Variants in TSHZ2 observed in about 807,000 individuals in gnomAD.
TSHZ2 encodes teashirt zinc finger homeobox 2.
TSHZ2 carries 21 observed loss-of-function variants against 74.4 expected under a neutral mutation model. That is an observed-to-expected ratio of 0.28 (90% CI 0.20 to 0.41). The LOEUF (loss-of-function observed/expected upper bound fraction) is 0.41, where lower values mean the gene tolerates loss of function less well. TSHZ2 is among the 10% of genes least tolerant of loss of function. TSHZ2 has a pLI of 1.00. For synonymous variants in TSHZ2, 540 were observed against 515.3 expected, an observed-to-expected ratio of 1.05 and a Z score of -0.65; for missense variants, 1,244 against 1,293.5, an observed-to-expected ratio of 0.96 and a Z score of 0.59.
At chr20:53,194,250 T>C (rs2081887990) in intron 1 of TSHZ2, among the ~76,000 whole-genome samples, 1 of 152,208 alleles carries the variant, frequency 6.6e-6, no homozygotes, top group Admixed American at 6.5e-5. Context: ...CCTCTGCCAC[T>C]GGTAATGACC....
At chr20:53,110,456 C>T (rs559515663) in intron 1 of TSHZ2, among the ~76,000 whole-genome samples, 1 of 152,046 alleles carries the variant, frequency 6.6e-6, no homozygotes, top group South Asian at 2.1e-4. Context: ...AGAGAGTGTT[C>T]AGATCTGGAA....
chr20:53,346,199 C>A (rs369590189), intron 2 of TSHZ2, among the ~76,000 whole-genome samples: 13 of 152,300 alleles, frequency 8.5e-5, no homozygotes, highest in African/African-American at 2.9e-4. Context: ...GTGCTGAGCG[C>A]TGCGATGATT....
At chr20:53,190,130 TATA>T (rs1568803502) in intron 1 of TSHZ2, among the ~76,000 whole-genome samples, 5 of 99,760 alleles carry the variant, frequency 5.0e-5, no homozygotes, top group African/African-American at 1.9e-4. Flanking sequence ...TATATATATA[TATA>T]TATATTTTCT....
chr20:53,120,514 C>T (rs1432975291), intron 1 of TSHZ2, among the ~76,000 whole-genome samples: 2 of 151,626 alleles, frequency 1.3e-5, no homozygotes, highest in East Asian at 1.9e-4. Context: ...GGGCAAATGA[C>T]GAGAACATAT....
intron 1 of TSHZ2, among the ~76,000 whole-genome samples, chr20:53,197,933 T>A (rs959391575): frequency 6.6e-6 from 1 of 152,236 alleles, no homozygotes; most frequent in African/African-American, 2.4e-5. Context: ...GCATGGGCAT[T>A]TTAGCCAGAA....
chr20:53,113,078 A>C (rs1307686000), intron 1 of TSHZ2, among the ~76,000 whole-genome samples: 2 of 152,228 alleles, frequency 1.3e-5, no homozygotes, highest in Non-Finnish European at 2.9e-5. Context: ...TGCATATTTG[A>C]TAAGCCCTCA....
chr20:53,105,350 T>C (rs2123305011), intron 1 of TSHZ2, among the ~76,000 whole-genome samples: 1 of 152,340 alleles, frequency 6.6e-6, no homozygotes. Flanking sequence ...CCTGTGATTG[T>C]AGAATGTTTA....
chr20:53,064,452 A>G (rs987290690), intron 1 of TSHZ2, among the ~76,000 whole-genome samples: 2 of 151,984 alleles, frequency 1.3e-5, no homozygotes, highest in African/African-American at 4.8e-5. Flanking sequence ...ATGTTACTGA[A>G]TTAAGAACGT....
rs1185487370 is a variant in TSHZ2 at position 53,255,495 on chromosome 20, G to A, written c.2037G>A (p.Gly679=). ...AGCCCACATCTGCTCTGAGCAATGGGTGCGCCCTCGCCAACCACGCCCCGG... is the reference window on the plus strand; with the variant it reads ...AGCCCACATCTGCTCTGAGCAATGGATGCGCCCTCGCCAACCACGCCCCGG... The part of the protein sequence containing the change: ...PLEPTSALSN[G]CALANHAPAL... Residue 679 remains glycine (G), a synonymous_variant, in exon 2 of 3, where the codon GGG becomes GGA. Transcript: ENST00000371497. This position sits in a 1 kb window ranked among gnomAD's most constrained non-coding sequence, Gnocchi z 4.1. The A allele has an allele frequency of 1.3e-6, 2 of 1,597,270 alleles. No individual in the cohort carries two copies. The highest frequency in any genetic ancestry group is 1.3e-5 in the African/African-American group (1 of 74,414).
chr20:53,329,532 G>C (rs1979633363), intron 2 of TSHZ2, among the ~76,000 whole-genome samples: 1 of 151,980 alleles, frequency 6.6e-6, no homozygotes, highest in African/African-American at 2.4e-5. Flanking sequence ...TGATGACTCT[G>C]GCATTTACTG....
chr20:53,102,358 T>A (rs1187470736), intron 1 of TSHZ2, among the ~76,000 whole-genome samples: 1 of 151,566 alleles, frequency 6.6e-6, no homozygotes, highest in Non-Finnish European at 1.5e-5. Flanking sequence ...TTAACTCTAT[T>A]TTTCACTTTT....
At chr20:53,320,573 A>G (rs1255298268) in intron 2 of TSHZ2, among the ~76,000 whole-genome samples, 1 of 152,192 alleles carries the variant, frequency 6.6e-6, no homozygotes, top group Non-Finnish European at 1.5e-5. Context: ...TAGCATCAAA[A>G]TCCTTTCTAG....
chr20:53,346,410 T>C (rs1264885556), intron 2 of TSHZ2, among the ~76,000 whole-genome samples: 1 of 152,206 alleles, frequency 6.6e-6, no homozygotes, highest in Non-Finnish European at 1.5e-5. Context: ...CGCTCTGAAC[T>C]TGCCGGCTGG....
At position 53,463,433 on chromosome 20, in the gene TSHZ2, A is replaced by AGGAG. The variant is rs1349772075; in HGVS notation, c.*9-23699_*9-23696dup. On this transcript the variant is annotated intron_variant, in intron 2 of 2. Transcript: ENST00000371497. ...AAGGAAGGAAGGAAGGAAGGAAGGA[A>AGGAG]GGAGGGAGGGAGGGAAGGAAGGAAG... Among the ~76,000 whole-genome samples the AGGAG allele has an allele frequency of 3.8e-3, 354 of 92,942 alleles. 2 individuals are homozygous for AGGAG. The highest frequency in any genetic ancestry group is 8.6e-3 in the African/African-American group (197 of 23,030). The allele number at this position is 92,942 out of a possible 152,430, so 61.0% of individuals were successfully genotyped here. A position where few individuals can be genotyped will look rare whatever the true frequency, so the allele number is the denominator to read the frequency against.
At chr20:53,289,157 A>G (rs1600791757) in intron 2 of TSHZ2, among the ~76,000 whole-genome samples, 1 of 151,484 alleles carries the variant, frequency 6.6e-6, no homozygotes. Context: ...ACTCCTTTTT[A>G]TGGCTGAGTA....
rs551280485 is a variant in TSHZ2, at chr20:53,121,013, A to G, written c.41-132486A>G. On this transcript the variant is annotated intron_variant, in intron 1 of 2. Transcript: ENST00000371497. The stretch of plus-strand genomic sequence containing the variant: ...CTCTTTTTTTTTTCTCTTTGCCACA[A>G]CATTTTTGCTGTCTTTCAGACTCTT... Among the ~76,000 whole-genome samples the G allele has an allele frequency of 1.6e-3, 240 of 152,202 alleles. 1 individual carries two copies. Among genetic ancestry groups the G allele is most frequent in the South Asian group, 9.3e-3 (45 of 4,826 alleles).
At chr20:53,071,768 C>T (rs1053817076) in intron 1 of TSHZ2, among the ~76,000 whole-genome samples, 14 of 152,124 alleles carry the variant, frequency 9.2e-5, no homozygotes, top group Admixed American at 2.0e-4. Flanking sequence ...CATCCAGGGA[C>T]GTCCGTGAAG....
intron 1 of TSHZ2, among the ~76,000 whole-genome samples, chr20:53,243,699 G>A (rs1316007467): frequency 6.6e-6 from 1 of 152,130 alleles, no homozygotes; most frequent in Admixed American, 6.5e-5. Flanking sequence ...TCCACTTCGG[G>A]CTTCTGTGAT....
chr20:52,977,839 G>A (rs976301260), intron 1 of TSHZ2, among the ~76,000 whole-genome samples: 5 of 152,156 alleles, frequency 3.3e-5, no homozygotes, highest in African/African-American at 1.2e-4. Context: ...AGGGGCTCCG[G>A]GAAACTTCTT....
Sources: gnomAD v4.1 joint callset for allele counts (sites outside exome capture counted in the v4.1 genomes callset) on GRCh38, gnomAD v4.1.1 for gene constraint, Gnocchi (gnomAD v3.1) non-coding constraint, MANE v1.5 for transcripts, NCBI Gene and HGNC (gene_info 2026-07-23, HGNC 2026-07-21) for gene names.